The following MGST2 variants were observed in gnomAD, a reference collection of about 807,000 sequenced individuals.
The protein encoded by MGST2 is glutathione peroxidase MGST2.
A neutral mutation model predicts 16.6 loss-of-function variants in MGST2; 9 were observed. The observed-to-expected ratio is 0.54, with a 90% confidence interval of 0.33 to 0.95. The LOEUF is 0.95. Among genes scored for constraint, MGST2 ranks in the 40% least tolerant of loss-of-function variants. MGST2 has a pLI of 0.03. For missense variants in MGST2, 159 were observed against 175.1 expected, an observed-to-expected ratio of 0.91 and a Z score of 0.52; for synonymous variants, 79 against 68.0, an observed-to-expected ratio of 1.16 and a Z score of -0.79.
intron 3 of MGST2, among the ~76,000 whole-genome samples, chr4:139,699,732 A>G (rs1727131810): frequency 6.6e-6 from 1 of 152,200 alleles, no homozygotes; most frequent in African/African-American, 2.4e-5. Context: ...CACAGAATGA[A>G]AAATTCACAT....
intron 2 of MGST2, among the ~76,000 whole-genome samples, chr4:139,691,700 T>G (rs2602242): frequency 0.014 from 1,793 of 128,770 alleles, 8 homozygotes; most frequent in East Asian, 0.021. Context: ...TGATGATGAT[T>G]ATTATTATTA....
intron 5 of MGST2, chr4:139,719,733 G>C (rs368792938): frequency 6.2e-7 from 1 of 1,613,610 alleles, no homozygotes; most frequent in Non-Finnish European, 8.5e-7. Flanking sequence ...AGTCCCTGTG[G>C]GAAGTGCTGC....
At chr4:139,725,653 G>C in intron 5 of MGST2, 1 of 1,176,800 alleles carries the variant, frequency 8.5e-7, no homozygotes, top group Non-Finnish European at 1.3e-6. Context: ...GTATTTCCTG[G>C]ACACAAATAC....
Position 139,698,581 on chromosome 4 carries a change from C to T in MGST2, c.229+3314C>T, listed in dbSNP as rs1160316829. 4 of 796,984 alleles carry T rather than the reference C, an allele frequency of 5.0e-6. No individual in the cohort carries two copies. The East Asian group carries it at 7.8e-5, about 16-fold the overall frequency. The allele number at this position is 796,984 out of a possible 1,614,324, so 49.4% of individuals were successfully genotyped here. On this transcript the variant is annotated intron_variant, in intron 3 of 4. Coordinates refer to ENST00000265498, the MANE Select transcript of MGST2 (RefSeq NM_002413.5). Reference sequence around the variant, plus strand: ...GTACAGAGACCTCCTTACTTACCCCCCTTCTCCTTCGGCTGGAGCTCGGCG... The same window carrying T: ...GTACAGAGACCTCCTTACTTACCCCTCTTCTCCTTCGGCTGGAGCTCGGCG...
chr4:139,742,143 T>C (rs1371887489), downstream of MGST2, among the ~76,000 whole-genome samples: 1 of 88,582 alleles, frequency 1.1e-5, no homozygotes, highest in African/African-American at 4.6e-5. Flanking sequence ...ACTTTTCTTT[T>C]CTTTTCTTTT....
chr4:139,705,693 T>C (rs964531659), downstream of MGST2: 1 of 152,134 alleles, frequency 6.6e-6, no homozygotes, highest in Non-Finnish European at 1.5e-5. Context: ...CAGGGACAAG[T>C]GCGAAGAGAA....
intron 5 of MGST2, among the ~76,000 whole-genome samples, chr4:139,727,685 C>T (rs542432058): frequency 7.9e-5 from 12 of 152,324 alleles, no homozygotes; most frequent in South Asian, 2.1e-4. Flanking sequence ...TTGGAGAATA[C>T]GGCATTAAAT....
intron 2 of MGST2, among the ~76,000 whole-genome samples, chr4:139,694,362 A>G (rs1288703040): frequency 6.6e-6 from 1 of 151,856 alleles, no homozygotes; most frequent in African/African-American, 2.4e-5. Context: ...CCTGTAGACT[A>G]TGACCTTCCA....
chr4:139,728,600 C>T (rs1458629966), intron 5 of MGST2, among the ~76,000 whole-genome samples: 1 of 152,206 alleles, frequency 6.6e-6, no homozygotes, highest in African/African-American at 2.4e-5. Flanking sequence ...ATCCTCCCCT[C>T]ATCCCTCATC....
At chr4:139,739,417 G>A (rs1309010334) in intron 5 of MGST2, among the ~76,000 whole-genome samples, 1 of 152,176 alleles carries the variant, frequency 6.6e-6, no homozygotes, top group East Asian at 1.9e-4. Context: ...ACACAACTTT[G>A]AGAGTTATGC....
chr4:139,671,888 C>T (rs537171312), intron 1 of MGST2, among the ~76,000 whole-genome samples: 6 of 152,184 alleles, frequency 3.9e-5, no homozygotes, highest in Non-Finnish European at 7.4e-5. Context: ...GTGATCCACC[C>T]GCCTCAACCT....
At chr4:139,727,953 C>T (rs1328197761) in intron 5 of MGST2, among the ~76,000 whole-genome samples, 1 of 152,164 alleles carries the variant, frequency 6.6e-6, no homozygotes, top group Non-Finnish European at 1.5e-5. Context: ...CCGTGGCTCA[C>T]ACCTGTAACC....
At chr4:139,667,611 G>A (rs906792012) in intron 1 of MGST2, among the ~76,000 whole-genome samples, 2 of 152,182 alleles carry the variant, frequency 1.3e-5, no homozygotes, top group African/African-American at 2.4e-5. Context: ...TGTAATCCGA[G>A]TACTTTGGGA....
chr4:139,681,554 T>G (rs1474945097), intron 2 of MGST2, among the ~76,000 whole-genome samples: 1 of 152,210 alleles, frequency 6.6e-6, no homozygotes, highest in African/African-American at 2.4e-5. Flanking sequence ...AATAACTTAT[T>G]TTTATTCTCT....
intron 2 of MGST2, among the ~76,000 whole-genome samples, chr4:139,680,281 A>C (rs1169507660): frequency 6.6e-6 from 1 of 152,234 alleles, no homozygotes; most frequent in African/African-American, 2.4e-5. Context: ...CTTATAGTAT[A>C]CTGTGGTTAC....
chr4:139,722,379 C>T (rs1056987471), intron 5 of MGST2, among the ~76,000 whole-genome samples: 3 of 152,022 alleles, frequency 2.0e-5, no homozygotes, highest in Non-Finnish European at 2.9e-5. Flanking sequence ...TTTAAATATA[C>T]AAAGGAAAAA....
At chr4:139,711,727 A>G (rs1466130775) in intron 5 of MGST2, among the ~76,000 whole-genome samples, 3 of 152,192 alleles carry the variant, frequency 2.0e-5, no homozygotes, top group Non-Finnish European at 4.4e-5. Context: ...CTGTCTGGGA[A>G]TGTAGCCCAG....
At chr4:139,695,712 T>C (rs904489251) in intron 3 of MGST2, among the ~76,000 whole-genome samples, 1 of 152,246 alleles carries the variant, frequency 6.6e-6, no homozygotes, top group Admixed American at 6.5e-5. Context: ...CAGAGTGCTA[T>C]GTTGCAGGTA....
chr4:139,707,175 A>G (rs1192573362), downstream of MGST2, among the ~76,000 whole-genome samples: 2 of 151,996 alleles, frequency 1.3e-5, no homozygotes, highest in African/African-American at 2.4e-5. Flanking sequence ...AGCATTAGGT[A>G]TATCTCCTAA....
Sources: gnomAD v4.1 joint callset for allele counts (sites outside exome capture counted in the v4.1 genomes callset) on GRCh38, gnomAD v4.1.1 for gene constraint, MANE v1.5 for transcripts, NCBI Gene and HGNC (gene_info 2026-07-23, HGNC 2026-07-21) for gene names.